CAPN13: variants seen among roughly 807,000 people sequenced by gnomAD.
CAPN13 encodes the protein calpain-13.
In CAPN13, 90 loss-of-function variants were observed where a neutral mutation model predicts 98.4. The observed-to-expected ratio is 0.92, with a 90% confidence interval of 0.77 to 1.09. The LOEUF is 1.09. Among genes scored for constraint, CAPN13 ranks in the 50% least tolerant of loss-of-function variants. The probability of loss-of-function intolerance (pLI) is 0.00; values close to 1 mark genes in which losing one functional copy is unlikely to be tolerated. For missense variants in CAPN13, 887 were observed against 841.3 expected, an observed-to-expected ratio of 1.05 and a Z score of -0.67; for synonymous variants, 330 against 305.5, an observed-to-expected ratio of 1.08 and a Z score of -0.84.
At chr2:30,774,866 A>T (rs752560346) in intron 4 of CAPN13, among the ~76,000 whole-genome samples, 18 of 152,184 alleles carry the variant, frequency 1.2e-4, no homozygotes, top group Non-Finnish European at 2.2e-4. Flanking sequence ...AATTTTATGC[A>T]TGATATAGGT....
chr2:30,785,768 T>C (rs1379301850), intron 2 of CAPN13, among the ~76,000 whole-genome samples: 1 of 152,214 alleles, frequency 6.6e-6, no homozygotes, highest in African/African-American at 2.4e-5. Flanking sequence ...CACCACTTTC[T>C]GAAATAATCT....
chr2:30,729,823 G>A (rs1213999281), intron 22 of CAPN13: 2 of 152,180 alleles, frequency 1.3e-5, no homozygotes, highest in African/African-American at 2.4e-5. Flanking sequence ...ATCACAGGTC[G>A]GCTGCGTGAA....
intron 11 of CAPN13, 59 bp from the exon 12 acceptor site, chr2:30,745,793 C>G (rs1671878303): frequency 6.8e-7 from 1 of 1,462,532 alleles, no homozygotes; most frequent in African/African-American, 1.4e-5. Flanking sequence ...AAAAGGCAAG[C>G]AGAACCGAAC....
intron 7 of CAPN13, among the ~76,000 whole-genome samples, 180 bp from the exon 8 acceptor site, chr2:30,758,317 G>A (rs767593144): frequency 5.9e-5 from 9 of 152,158 alleles, no homozygotes; most frequent in African/African-American, 1.9e-4. Flanking sequence ...CCTGCATGGC[G>A]TTGGAATGAG....
chr2:30,755,313 T>C (rs1434503134), intron 8 of CAPN13, among the ~76,000 whole-genome samples: 3 of 152,136 alleles, frequency 2.0e-5, no homozygotes, highest in African/African-American at 4.8e-5. Context: ...TGTGTTACCA[T>C]TACTTTGTGT....
intron 7 of CAPN13, among the ~76,000 whole-genome samples, chr2:30,758,354 CGCTCAGCCCCTT>C (rs1672569453): frequency 6.6e-6 from 1 of 152,232 alleles, no homozygotes; most frequent in Admixed American, 6.5e-5. Flanking sequence ...CCCCTCATTC[CGCTCAGCCCCTT>C]GCAAGGGCAG....
At chr2:30,736,599 C>G in intron 17 of CAPN13, 28 bp from the exon 18 acceptor site, 3 of 1,611,754 alleles carry the variant, frequency 1.9e-6, no homozygotes, top group Non-Finnish European at 2.5e-6. Context: ...AGTGAACCAG[C>G]CAGCGTGCAA....
intron 7 of CAPN13, among the ~76,000 whole-genome samples, chr2:30,761,432 AC>A (rs1672845294): frequency 2.0e-5 from 3 of 152,006 alleles, no homozygotes; most frequent in Non-Finnish European, 4.4e-5. Flanking sequence ...CCCCTTTGTC[AC>A]CCTAGGTGTT....
chr2:30,745,943 C>T (rs1319365958), intron 11 of CAPN13, among the ~76,000 whole-genome samples: 2 of 143,224 alleles, frequency 1.4e-5, no homozygotes, highest in East Asian at 4.0e-4. Context: ...CTCTGTCACC[C>T]AGGCTGGAGT....
intron 3 of CAPN13, among the ~76,000 whole-genome samples, chr2:30,777,182 T>A (rs898713772): frequency 6.6e-6 from 1 of 152,276 alleles, no homozygotes; most frequent in African/African-American, 2.4e-5. Context: ...TCTCAGCAGC[T>A]CCTTTGCTCT....
chr2:30,748,163 G>A (rs534326210), intron 11 of CAPN13, among the ~76,000 whole-genome samples: 2 of 152,326 alleles, frequency 1.3e-5, no homozygotes, highest in South Asian at 4.1e-4. Context: ...GATGTTTCTA[G>A]TAGGCCTCTT....
chr2:30,733,380 C>G (rs1671200832), intron 19 of CAPN13, among the ~76,000 whole-genome samples: 1 of 152,098 alleles, frequency 6.6e-6, no homozygotes, highest in South Asian at 2.1e-4. Context: ...TCACCCCTTT[C>G]ACTTACTTGC....
chr2:30,759,682 C>G (rs186100725), intron 7 of CAPN13, among the ~76,000 whole-genome samples: 9 of 152,326 alleles, frequency 5.9e-5, no homozygotes, highest in Admixed American at 5.9e-4. Context: ...AGCTGAGCAA[C>G]TTTCTCAATA....
chr2:30,797,778 T>TCTAC (rs1400262315), intron 1 of CAPN13, among the ~76,000 whole-genome samples: 1 of 152,206 alleles, frequency 6.6e-6, no homozygotes, highest in African/African-American at 2.4e-5. Flanking sequence ...TGTCATCTCC[T>TCTAC]CTACCTGCCT....
At chr2:30,796,132 A>G (rs1372262693) in intron 1 of CAPN13, among the ~76,000 whole-genome samples, 1 of 144,554 alleles carries the variant, frequency 6.9e-6, no homozygotes, top group Non-Finnish European at 1.5e-5. Flanking sequence ...AGAATTACAT[A>G]TATATATGTG....
At chr2:30,726,841 A>G (rs1057511) in intron 22 of CAPN13, among the ~76,000 whole-genome samples, 67,724 of 151,902 alleles carry the variant, frequency 0.45, 15,310 homozygotes, top group East Asian at 0.65. Flanking sequence ...AAGCTGATAA[A>G]TTGATTCTAA....
chr2:30,738,512 G>C (rs1671493873), intron 15 of CAPN13, 55 bp from the exon 16 acceptor site: 1 of 1,525,588 alleles, frequency 6.6e-7, no homozygotes, highest in East Asian at 2.4e-5. Flanking sequence ...GATCTGAGAG[G>C]CACATCTGCC....
intron 22 of CAPN13, among the ~76,000 whole-genome samples, chr2:30,724,476 C>T (rs1234557795): frequency 6.6e-6 from 1 of 152,226 alleles, no homozygotes. Flanking sequence ...TGCTGCATAG[C>T]GCTGGTCCTT....
intron 22 of CAPN13, among the ~76,000 whole-genome samples, chr2:30,724,337 T>C (rs1469154925): frequency 1.3e-5 from 2 of 152,234 alleles, no homozygotes; most frequent in Non-Finnish European, 2.9e-5. Flanking sequence ...TCCAAAGCTC[T>C]CCAGCAGAAT....
Sources: allele counts gnomAD v4.1 joint callset (sites outside exome capture counted in the v4.1 genomes callset), GRCh38; gene constraint gnomAD v4.1.1; transcripts MANE v1.5; gene names NCBI Gene and HGNC (gene_info 2026-07-23, HGNC 2026-07-21).